DLC1: variants seen among roughly 807,000 people sequenced by gnomAD.
DLC1 encodes rho GTPase-activating protein 7.
Under a neutral mutation model 140.3 loss-of-function variants are expected in DLC1, and 54 were observed. The observed-to-expected ratio is 0.38, with a 90% CI of 0.31 to 0.48. DLC1 has a LOEUF of 0.48. Ranked by LOEUF, DLC1 falls within the 20% of genes least tolerant of loss-of-function variation. The probability of loss-of-function intolerance (pLI) is 0.96; values close to 1 mark genes in which losing one functional copy is unlikely to be tolerated. For missense variants in DLC1, 2,536 were observed against 1,907.0 expected (o/e 1.33, Z -6.14); for synonymous variants, 986 against 728.1 (o/e 1.35, Z -5.70).
chr8:13,334,227 G>A (rs1269818217), intron 4 of DLC1, among the ~76,000 whole-genome samples: 1 of 152,022 alleles, frequency 6.6e-6, no homozygotes, highest in Non-Finnish European at 1.5e-5. Context: ...GAAGCAGGGG[G>A]GAGTTGCAGA....
chr8:13,167,913 C>T (rs1312312615), intron 5 of DLC1, among the ~76,000 whole-genome samples: 1 of 152,272 alleles, frequency 6.6e-6, no homozygotes, highest in East Asian at 1.9e-4. Context: ...ATACAATTGG[C>T]CTTCTATGAC....
chr8:13,430,076 G>C (rs1838791038), intron 2 of DLC1, among the ~76,000 whole-genome samples: 1 of 152,124 alleles, frequency 6.6e-6, no homozygotes, highest in African/African-American at 2.4e-5. Flanking sequence ...ATAGTATTCA[G>C]AATCTGTGGG....
intron 5 of DLC1, chr8:13,304,798 A>C (rs550841681): frequency 1.0e-6 from 1 of 964,386 alleles, no homozygotes; most frequent in East Asian, 1.1e-4. Context: ...GAACACAGAA[A>C]AATACTATAA....
intron 5 of DLC1, among the ~76,000 whole-genome samples, chr8:13,121,299 CAA>C (rs1821039295): frequency 1.3e-5 from 2 of 152,124 alleles, no homozygotes; most frequent in African/African-American, 4.8e-5. Flanking sequence ...CCCGTGGTGA[CAA>C]AGATTCCTTC....
At chr8:13,325,292 C>A (rs1293740817) in intron 4 of DLC1, among the ~76,000 whole-genome samples, 1 of 152,156 alleles carries the variant, frequency 6.6e-6, no homozygotes, top group African/African-American at 2.4e-5. Context: ...CAGAGCCAGT[C>A]CCTTGAGGAA....
intron 5 of DLC1, among the ~76,000 whole-genome samples, chr8:13,232,615 G>T (rs1829101795): frequency 6.6e-6 from 1 of 152,194 alleles, no homozygotes; most frequent in Admixed American, 6.5e-5. Context: ...ACAGGCATGA[G>T]CCACGGTGCC....
At chr8:13,551,633 A>C (rs1803855099) in intron 1 of DLC1, among the ~76,000 whole-genome samples, 1 of 152,000 alleles carries the variant, frequency 6.6e-6, no homozygotes, top group South Asian at 2.1e-4. Flanking sequence ...AATCAAAGAG[A>C]GGTTCAGTAT....
intron 4 of DLC1, among the ~76,000 whole-genome samples, chr8:13,360,359 A>G (rs1835164450): frequency 6.6e-6 from 1 of 152,186 alleles, no homozygotes; most frequent in East Asian, 1.9e-4. Context: ...TCAGAAATGT[A>G]TTAGGGAGCA....
At chr8:13,534,000 G>C (rs1257962954) in intron 1 of DLC1, among the ~76,000 whole-genome samples, 1 of 152,092 alleles carries the variant, frequency 6.6e-6, no homozygotes, top group East Asian at 1.9e-4. Context: ...CCCAGTCTTG[G>C]TTATTTCTTT....
chr8:13,115,992 T>C (rs1166284061), intron 5 of DLC1, among the ~76,000 whole-genome samples: 1 of 152,188 alleles, frequency 6.6e-6, no homozygotes, highest in Non-Finnish European at 1.5e-5. Context: ...AGAGATTTAA[T>C]AACTCATTTG....
chr8:13,120,635 T>C (rs1820983820), intron 5 of DLC1, among the ~76,000 whole-genome samples: 1 of 151,748 alleles, frequency 6.6e-6, no homozygotes, highest in South Asian at 2.1e-4. Flanking sequence ...AAAAATACAA[T>C]GGAAATACAA....
chr8:13,109,965 A>C (rs1196589120), intron 7 of DLC1, among the ~76,000 whole-genome samples: 4 of 152,230 alleles, frequency 2.6e-5, no homozygotes, highest in African/African-American at 9.6e-5. Flanking sequence ...TAGTTTCATA[A>C]TCAAATCAAC....
At chr8:13,416,043 T>C (rs551657181) in intron 2 of DLC1, among the ~76,000 whole-genome samples, 3 of 152,178 alleles carry the variant, frequency 2.0e-5, no homozygotes, top group Non-Finnish European at 4.4e-5. Context: ...CAGGATGCTT[T>C]CTACCTAGAC....
chr8:13,188,343 G>C (rs1237705744), intron 5 of DLC1, among the ~76,000 whole-genome samples: 1 of 133,130 alleles, frequency 7.5e-6, no homozygotes, highest in African/African-American at 2.8e-5. Flanking sequence ...CATTTAGTTA[G>C]TAAATTTCTA....
chr8:13,146,863 T>A (rs1823473812), intron 5 of DLC1, among the ~76,000 whole-genome samples: 1 of 152,190 alleles, frequency 6.6e-6, no homozygotes, highest in East Asian at 1.9e-4. Flanking sequence ...TGGGCCCGAA[T>A]AGAGCTCTGT....
chr8:13,579,361 ATT>A lies in DLC1; in HGVS notation c.-126+25174_-126+25175del, dbSNP rs60996497. ...TATATATATATATATATATATATAT[ATT>A]TTTATATAATACATATTTATATATT... On this transcript the variant is annotated intron_variant, in intron 1 of 1. Coordinates refer to the DLC1 transcript ENST00000631382. Among the ~76,000 whole-genome samples the A allele has an allele frequency of 5.7e-3, 144 of 25,484 alleles. 11 individuals carry two copies. The highest frequency in any genetic ancestry group is 0.062 in the Middle Eastern group (2 of 32). The allele number at this position is 25,484 out of a possible 152,430, so 16.7% of individuals were successfully genotyped here. A position where few individuals can be genotyped will look rare whatever the true frequency, so the allele number is the denominator to read the frequency against.
chr8:13,111,009 TA>T (rs2128947101), intron 6 of DLC1, among the ~76,000 whole-genome samples, 186 bp from the exon 7 acceptor site: 1 of 152,310 alleles, frequency 6.6e-6, no homozygotes, highest in South Asian at 2.1e-4. Flanking sequence ...ATCACTGTCC[TA>T]AAGGAGCTTC....
At position 13,094,939 on chromosome 8, in the gene DLC1, A is replaced by T; in HGVS notation, c.3346T>A (p.Ser1116Thr). The T allele has an allele frequency of 6.2e-7, 1 of 1,614,134 alleles. No individual in the cohort carries two copies. Among genetic ancestry groups the T allele is most frequent in the Non-Finnish European group, 8.5e-7 (1 of 1,180,016 alleles). The change falls in exon 12 of 18, where the codon TCG becomes ACG. Residue 1116 changes from serine (S) to threonine (T), a missense_variant. Ser to Thr is a moderately conservative substitution (Grantham distance 58, BLOSUM62 1). Coordinates refer to ENST00000276297, the MANE Select transcript of DLC1 (RefSeq NM_182643.3). ...CLDQVGLFRKSGVKSRIQALR... is the reference protein window; with the variant it reads ...CLDQVGLFRKTGVKSRIQALR... Reference sequence around the variant, plus strand: ...GCCTGAATCCGGGACTTGACCCCCGATTTTCTGAAGAGCCCAACCTGTCGG... The same window carrying T: ...GCCTGAATCCGGGACTTGACCCCCGTTTTTCTGAAGAGCCCAACCTGTCGG...
chr8:13,094,983 G>T, intron 11 of DLC1, 26 bp from the exon 12 acceptor site: 1 of 1,614,018 alleles, frequency 6.2e-7, no homozygotes, highest in Non-Finnish European at 8.5e-7. Flanking sequence ...CACTAAGTGT[G>T]GGGTACATTC....
Sources: gnomAD v4.1 joint callset for allele counts (sites outside exome capture counted in the v4.1 genomes callset) on GRCh38, gnomAD v4.1.1 for gene constraint, MANE v1.5 for transcripts, NCBI Gene and HGNC (gene_info 2026-07-23, HGNC 2026-07-21) for gene names.